Variants in SMAP1 observed in about 807,000 individuals in gnomAD.
SMAP1 encodes small ArfGAP 1, also known as stromal membrane-associated protein 1.
In SMAP1, 24 loss-of-function variants were observed where a neutral mutation model predicts 58.5. The ratio of observed to expected loss-of-function variants is 0.41; its 90% CI spans 0.30 to 0.58. The LOEUF is 0.58. Among genes scored for constraint, SMAP1 ranks in the 20% least tolerant of loss-of-function variants. The pLI, the probability that SMAP1 is intolerant of heterozygous loss-of-function variation, is 0.29. For missense variants in SMAP1, 563 were observed against 566.3 expected (o/e 0.99, Z 0.06); for synonymous variants, 216 against 196.6 (o/e 1.10, Z -0.82).
intron 6 of SMAP1, among the ~76,000 whole-genome samples, chr6:70,826,927 C>T (rs1158794923): frequency 9.9e-6 from 1 of 100,740 alleles, no homozygotes; most frequent in African/African-American, 4.0e-5. Flanking sequence ...AGAGTGAAAC[C>T]GTGTCTCAAA....
chr6:70,857,066 C>CT, intron 9 of SMAP1, 36 bp downstream of exon 9: 1 of 1,551,306 alleles, frequency 6.4e-7, no homozygotes, highest in South Asian at 1.2e-5. Context: ...AGTGACATTA[C>CT]TAGAAGTACA....
chr6:70,785,418 C>G lies in SMAP1; in HGVS notation c.415-6271C>G, dbSNP rs548607644. Among the ~76,000 whole-genome samples, 124 of 152,232 alleles carry G rather than the reference C, an allele frequency of 8.1e-4. 3 individuals are homozygous for G. The highest frequency in any genetic ancestry group is 7.2e-4 in the Admixed American group (11 of 15,294). The stretch of plus-strand genomic sequence containing the variant: ...CTAGAAAAGCAAGAGCAAACACATT[C>G]AAAAGCTAGCAGAGGCAAGAAATAA... On this transcript the variant is annotated intron_variant, in intron 4 of 10. Transcript: ENST00000370455.
intron 6 of SMAP1, among the ~76,000 whole-genome samples, chr6:70,813,222 G>C (rs1415105391): frequency 6.6e-6 from 1 of 152,018 alleles, no homozygotes; most frequent in Non-Finnish European, 1.5e-5. Context: ...TGTAGGAGGT[G>C]GGGGTATGTC....
chr6:70,844,143 A>C (rs1249337335), intron 7 of SMAP1, among the ~76,000 whole-genome samples: 1 of 152,216 alleles, frequency 6.6e-6, no homozygotes, highest in East Asian at 1.9e-4. Context: ...TCACCATTTT[A>C]AACATTTAGA....
chr6:70,690,420 C>A (rs1767113108), intron 1 of SMAP1, among the ~76,000 whole-genome samples: 1 of 151,980 alleles, frequency 6.6e-6, no homozygotes, highest in African/African-American at 2.4e-5. Flanking sequence ...GATTCTCCTG[C>A]CTCAGCCTCC....
chr6:70,704,682 T>G (rs7776447), intron 1 of SMAP1, among the ~76,000 whole-genome samples: 151,791 of 152,260 alleles, frequency 1, 75,662 homozygotes, highest in Middle Eastern at 1. Context: ...TAAAAATCTT[T>G]ATATAGCAAT....
chr6:70,791,535 C>G (rs1171318914), intron 4 of SMAP1, among the ~76,000 whole-genome samples, 154 bp from the exon 5 acceptor site: 1 of 152,044 alleles, frequency 6.6e-6, no homozygotes, highest in Non-Finnish European at 1.5e-5. Flanking sequence ...AAAAGCAGTA[C>G]TTATTTCTTG....
chr6:70,738,932 C>T (rs916376134), intron 2 of SMAP1, among the ~76,000 whole-genome samples: 1 of 152,050 alleles, frequency 6.6e-6, no homozygotes, highest in African/African-American at 2.4e-5. Context: ...ATAGTTATTT[C>T]AAGTAAAGTT....
chr6:70,691,139 T>C (rs890786417), intron 1 of SMAP1, among the ~76,000 whole-genome samples: 2 of 152,240 alleles, frequency 1.3e-5, no homozygotes, highest in Non-Finnish European at 2.9e-5. Flanking sequence ...GTAGAATCTG[T>C]AGTAATGTCT....
At chr6:70,757,673 GA>G (rs1161740463) in intron 3 of SMAP1, among the ~76,000 whole-genome samples, 3 of 151,718 alleles carry the variant, frequency 2.0e-5, no homozygotes, top group Non-Finnish European at 2.9e-5. Context: ...AAATTTACAA[GA>G]AAAAAACAAA....
intron 1 of SMAP1, chr6:70,694,237 T>TA (rs947447226): frequency 1.2e-5 from 3 of 244,232 alleles, no homozygotes; most frequent in African/African-American, 4.7e-5. Context: ...ATGTTAATGA[T>TA]ACACTCCACT....
chr6:70,673,992 T>G (rs1266693210), intron 1 of SMAP1, among the ~76,000 whole-genome samples: 5 of 151,830 alleles, frequency 3.3e-5, no homozygotes, highest in African/African-American at 1.2e-4. Context: ...CTGTACAAGA[T>G]ATATATATAT....
chr6:70,703,413 G>C (rs1470136520), intron 1 of SMAP1, among the ~76,000 whole-genome samples: 3 of 151,946 alleles, frequency 2.0e-5, no homozygotes, highest in Non-Finnish European at 4.4e-5. Flanking sequence ...GAATTGTATC[G>C]GTTCCTGATA....
intron 2 of SMAP1, among the ~76,000 whole-genome samples, chr6:70,752,541 T>C (rs1419671677): frequency 6.6e-6 from 1 of 152,180 alleles, no homozygotes; most frequent in African/African-American, 2.4e-5. Flanking sequence ...GTAGCTATTA[T>C]GCTATTTTTA....
intron 2 of SMAP1, among the ~76,000 whole-genome samples, chr6:70,751,291 T>A (rs1294036919): frequency 2.6e-5 from 4 of 152,144 alleles, no homozygotes; most frequent in Non-Finnish European, 5.9e-5. Context: ...CAGAAGTACA[T>A]GTTCACTTAT....
intron 7 of SMAP1, among the ~76,000 whole-genome samples, chr6:70,838,212 T>C (rs1284233169): frequency 6.6e-6 from 1 of 152,186 alleles, no homozygotes; most frequent in Non-Finnish European, 1.5e-5. Context: ...CTGCAGCATT[T>C]CTTTTCCAGT....
chr6:70,746,694 G>T (rs1341738131), intron 2 of SMAP1, among the ~76,000 whole-genome samples: 1 of 152,192 alleles, frequency 6.6e-6, no homozygotes, highest in African/African-American at 2.4e-5. Context: ...GGTAAAATGA[G>T]TTAGGGGCGA....
intron 2 of SMAP1, among the ~76,000 whole-genome samples, chr6:70,738,776 T>C (rs560646947): frequency 6.6e-6 from 1 of 152,224 alleles, no homozygotes; most frequent in African/African-American, 2.4e-5. Flanking sequence ...TACGGTAGCT[T>C]AAAAAACAAC....
At chr6:70,735,864 A>G (rs368924260) in intron 2 of SMAP1, among the ~76,000 whole-genome samples, 10 of 152,222 alleles carry the variant, frequency 6.6e-5, no homozygotes, top group African/African-American at 2.4e-4. Context: ...TTTCCCTGCA[A>G]CATTTCATAA....
Sources: allele counts gnomAD v4.1 joint callset (sites outside exome capture counted in the v4.1 genomes callset), GRCh38; gene constraint gnomAD v4.1.1; transcripts MANE v1.5; gene names NCBI Gene and HGNC (gene_info 2026-07-23, HGNC 2026-07-21).